The following FBXL20 variants were observed in gnomAD, a reference collection of about 807,000 sequenced individuals.
FBXL20 encodes F-box/LRR-repeat protein 20.
Under a neutral mutation model 64.0 loss-of-function variants are expected in FBXL20, and 11 were observed. The observed-to-expected ratio is 0.17, with a 90% CI of 0.11 to 0.28. The LOEUF (loss-of-function observed/expected upper bound fraction) is 0.28, where lower values mean the gene tolerates loss of function less well. Among genes scored for constraint, FBXL20 ranks in the 10% least tolerant of loss-of-function variants. The probability of loss-of-function intolerance (pLI) is 1.00; values close to 1 mark genes in which losing one functional copy is unlikely to be tolerated. For missense variants in FBXL20, 303 were observed against 526.2 expected (o/e 0.58, Z 4.15); for synonymous variants, 184 against 189.0 (o/e 0.97, Z 0.22).
At chr17:39,306,699 G>C (rs537037209) in intron 2 of FBXL20, among the ~76,000 whole-genome samples, 3 of 152,280 alleles carry the variant, frequency 2.0e-5, no homozygotes, top group African/African-American at 7.2e-5. Context: ...ATATTTGCAT[G>C]ATGTCAGAAA....
chr17:39,346,587 A>T (rs2047634784), intron 1 of FBXL20, among the ~76,000 whole-genome samples: 1 of 152,200 alleles, frequency 6.6e-6, no homozygotes, highest in Non-Finnish European at 1.5e-5. Flanking sequence ...AAGAAACTGG[A>T]ACAAAGATTG....
intron 1 of FBXL20, among the ~76,000 whole-genome samples, chr17:39,358,140 G>A (rs955967528): frequency 1.6e-4 from 25 of 152,176 alleles, no homozygotes; most frequent in African/African-American, 6.0e-4. Flanking sequence ...CAGAACAGGA[G>A]CTCTGATGTC....
At chr17:39,369,278 T>C (rs2047891694) in intron 1 of FBXL20, among the ~76,000 whole-genome samples, 2 of 124,550 alleles carry the variant, frequency 1.6e-5, no homozygotes, top group African/African-American at 7.6e-5. Flanking sequence ...TTTTTTTTTT[T>C]TGAGACAGAG....
At chr17:39,270,897 G>C in intron 10 of FBXL20, 41 bp from the exon 11 acceptor site, 2 of 1,508,988 alleles carry the variant, frequency 1.3e-6, no homozygotes, top group Middle Eastern at 1.7e-4. Flanking sequence ...TCAAGCTCTT[G>C]GTCCCTGAAA....
intron 2 of FBXL20, among the ~76,000 whole-genome samples, chr17:39,305,948 T>C (rs1377989908): frequency 1.3e-5 from 2 of 150,402 alleles, no homozygotes; most frequent in African/African-American, 2.4e-5. Context: ...GATGGTGCCA[T>C]TGTACTCCAG....
intron 2 of FBXL20, 41 bp from the exon 3 acceptor site, chr17:39,303,680 A>G (rs2047157571): frequency 1.9e-6 from 3 of 1,542,584 alleles, no homozygotes; most frequent in Non-Finnish European, 2.7e-6. Flanking sequence ...ATTGTATGAT[A>G]AAGTAGTTGA....
At chr17:39,396,869 A>G (rs1490377100) in intron 1 of FBXL20, among the ~76,000 whole-genome samples, 2 of 151,076 alleles carry the variant, frequency 1.3e-5, no homozygotes, top group Non-Finnish European at 2.9e-5. Context: ...CGGCAGGAGA[A>G]TGGCGTGAAC....
intron 6 of FBXL20, among the ~76,000 whole-genome samples, chr17:39,290,194 G>T (rs1257859691): frequency 6.6e-6 from 1 of 151,552 alleles, no homozygotes; most frequent in Non-Finnish European, 1.5e-5. Context: ...TATAAATGAT[G>T]TATCTTAAAC....
At chr17:39,367,910 C>T (rs1222461024) in intron 1 of FBXL20, among the ~76,000 whole-genome samples, 5 of 151,666 alleles carry the variant, frequency 3.3e-5, no homozygotes, top group African/African-American at 4.8e-5. Context: ...ACTACAGGCA[C>T]GCCCCACCAC....
At chr17:39,363,834 C>CAA (rs113673962) in intron 1 of FBXL20, among the ~76,000 whole-genome samples, 27 of 59,404 alleles carry the variant, frequency 4.5e-4, no homozygotes, top group African/African-American at 2.1e-3. Context: ...AAACAAAAAA[C>CAA]AAAAAAAAAA....
intron 1 of FBXL20, among the ~76,000 whole-genome samples, chr17:39,375,478 G>C (rs1264091093): frequency 1.3e-5 from 2 of 152,230 alleles, no homozygotes; most frequent in South Asian, 2.1e-4. Context: ...TTCCATAGCA[G>C]AACAGGATGA....
chr17:39,265,686 A>ATTT (rs111908860), intron 12 of FBXL20, among the ~76,000 whole-genome samples: 1 of 145,174 alleles, frequency 6.9e-6, no homozygotes, highest in Non-Finnish European at 1.5e-5. Flanking sequence ...AAATTAAAAA[A>ATTT]ATTTTTTTTT....
chr17:39,348,086 C>CTTT (rs3079636), intron 1 of FBXL20, among the ~76,000 whole-genome samples: 48,467 of 143,472 alleles, frequency 0.34, 9,823 homozygotes, highest in African/African-American at 0.57. Flanking sequence ...TTGGGTTCGT[C>CTTT]TTTTTTTTTT....
rs139428853 is a variant in FBXL20 at position 39,305,526 on chromosome 17, G to A, written c.105-1887C>T. On this transcript the variant is annotated intron_variant, in intron 2 of 14. Coordinates refer to ENST00000264658, the MANE Select transcript of FBXL20 (RefSeq NM_032875.3). ...TCAAGACCAGCCTGGGCAACACAGTGAGGCTCCCTATTTTAAAAAAGAAAA... is the reference window on the plus strand; with the variant it reads ...TCAAGACCAGCCTGGGCAACACAGTAAGGCTCCCTATTTTAAAAAAGAAAA... 6.7e-4 allele frequency among the ~76,000 whole-genome samples: 102 copies of A among 152,244 alleles called. No individual in the cohort carries two copies. In the East Asian group the frequency reaches 0.014, roughly 20 times the overall value.
chr17:39,292,287 T>A (rs893000661), intron 6 of FBXL20, among the ~76,000 whole-genome samples: 1 of 150,842 alleles, frequency 6.6e-6, no homozygotes, highest in South Asian at 2.1e-4. Flanking sequence ...CTTTCCCAAC[T>A]AGTATTTATA....
intron 1 of FBXL20, among the ~76,000 whole-genome samples, chr17:39,367,388 C>T (rs2047871702): frequency 2.0e-5 from 3 of 150,436 alleles, no homozygotes; most frequent in Admixed American, 2.0e-4. Context: ...GCAATCTCGG[C>T]TCACTGCAAC....
At chr17:39,315,080 G>A (rs1056120790) in intron 2 of FBXL20, among the ~76,000 whole-genome samples, 8 of 151,672 alleles carry the variant, frequency 5.3e-5, no homozygotes, top group African/African-American at 1.9e-4. Context: ...TACAGGGTTG[G>A]GCTACTGTGC....
intron 1 of FBXL20, among the ~76,000 whole-genome samples, chr17:39,383,317 G>A (rs2048044914): frequency 6.6e-6 from 1 of 152,000 alleles, no homozygotes; most frequent in African/African-American, 2.4e-5. Flanking sequence ...ATACACAGAC[G>A]CACATGGAGA....
chr17:39,332,536 CTTTTTTTTTT>C (rs58827473), intron 2 of FBXL20, among the ~76,000 whole-genome samples: 1 of 96,948 alleles, frequency 1.0e-5, no homozygotes, highest in East Asian at 3.4e-4. Context: ...TTCTTTGTAT[CTTTTTTTTTT>C]TTTTTTTTTT....
Sources: gnomAD v4.1 joint callset for allele counts (sites outside exome capture counted in the v4.1 genomes callset) on GRCh38, gnomAD v4.1.1 for gene constraint, MANE v1.5 for transcripts, NCBI Gene and HGNC (gene_info 2026-07-23, HGNC 2026-07-21) for gene names.